NDUFS2: variants seen among roughly 807,000 people sequenced by gnomAD.
NDUFS2 encodes the protein NADH:ubiquinone oxidoreductase core subunit S2, also known as NADH dehydrogenase [ubiquinone] iron-sulfur protein 2, mitochondrial.
NDUFS2 carries 38 observed loss-of-function variants against 69.6 expected under a neutral mutation model. That is an observed-to-expected ratio of 0.55 (90% CI 0.42 to 0.72). The LOEUF (loss-of-function observed/expected upper bound fraction) is 0.72. Ranked by LOEUF, NDUFS2 falls within the 30% of genes least tolerant of loss-of-function variation. The pLI is 0.00. For synonymous variants in NDUFS2, 194 were observed against 211.2 expected (o/e 0.92, Z 0.70); for missense variants, 468 against 595.0 (o/e 0.79, Z 2.22).
intron 2 of NDUFS2, 106 bp downstream of exon 2, chr1:161,203,649 G>A: frequency 1.0e-6 from 1 of 970,840 alleles, no homozygotes; most frequent in Non-Finnish European, 1.6e-6. Context: ...TGGCTGGAGT[G>A]CAGTGGTGCG....
Position 161,202,427 on chromosome 1 carries a change from G to A in NDUFS2, c.42G>A (p.Ala14=). The change falls in exon 1 of 14, where the codon GCG becomes GCA. Residue 14 remains alanine, a synonymous_variant. Transcript: ENST00000676972. ...CTTTGTGCGGCTTCCGGGGCGTCGC[G>A]GCCCAGGTGCTGCGGCCTGGGGCTG... The part of the protein sequence containing the change: ...LRALCGFRGV[A]AQVLRPGAGV... 1 of 1,612,876 alleles carries A rather than the reference G, an allele frequency of 6.2e-7. No individual in the cohort carries two copies. Among genetic ancestry groups the A allele is most frequent in the Non-Finnish European group, 8.5e-7 (1 of 1,179,748 alleles).
Position 161,202,413 on chromosome 1 carries a change from T to G in NDUFS2, c.28T>G (p.Phe10Val). The part of the protein sequence containing the change: MAALRALCG[F>V]RGVAAQVLRP... ...GGCGGCGCTGAGGGCTTTGTGCGGCTTCCGGGGCGTCGCGGCCCAGGTGCT... is the reference window on the plus strand; with the variant it reads ...GGCGGCGCTGAGGGCTTTGTGCGGCGTCCGGGGCGTCGCGGCCCAGGTGCT... Residue 10 changes from phenylalanine to valine, a missense_variant, in exon 1 of 14, where the codon TTC becomes GTC. Transcript: ENST00000676972. The G allele has an allele frequency of 3.1e-6, 5 of 1,612,842 alleles. No homozygotes were observed. Among genetic ancestry groups the G allele is most frequent in the Non-Finnish European group, 4.2e-6 (5 of 1,179,712 alleles).
chr1:161,206,905 G>A (rs547936950), intron 3 of NDUFS2, among the ~76,000 whole-genome samples: 3 of 152,272 alleles, frequency 2.0e-5, no homozygotes, highest in Non-Finnish European at 2.9e-5. Context: ...AGACTAGTGC[G>A]TCAAAGCCAG....
At position 161,202,461 on chromosome 1, in the gene NDUFS2, T is replaced by C. The variant is rs780271885; in HGVS notation, c.76T>C (p.Leu26=). ...GCTGCGGCCTGGGGCTGGAGTCCGA[T>C]TGCCGATTCAGCCCAGCAGGTGAGA... ...QVLRPGAGVR[L]PIQPSRGVRQ... is the part of the protein sequence containing the mutation. Residue 26 remains leucine (L), a synonymous_variant, in exon 1 of 14, where the codon TTG becomes CTG. Coordinates refer to ENST00000676972, the MANE Select transcript of NDUFS2 (RefSeq NM_001377299.1). 6.2e-6 allele frequency: 10 copies of C among 1,611,952 alleles called. No individual in the cohort carries two copies. Among genetic ancestry groups the C allele is most frequent in the Non-Finnish European group, 8.5e-6 (10 of 1,179,400 alleles).
chr1:161,199,029 CT>C (rs1665001208), upstream of NDUFS2: 1 of 174,940 alleles, frequency 5.7e-6, no homozygotes, highest in Non-Finnish European at 1.2e-5. Flanking sequence ...GCATATGTGT[CT>C]GTGGGTCTCC....
chr1:161,198,865 C>G (rs1390945094), upstream of NDUFS2: 2 of 459,596 alleles, frequency 4.4e-6, no homozygotes, highest in Non-Finnish European at 7.7e-6. The surrounding 1 kb of genome is among the most constrained non-coding windows in gnomAD (Gnocchi z 4.7). Flanking sequence ...GCCCTCCTTT[C>G]CTGGATCTTT....
chr1:161,214,269 C>CTG lies in NDUFS2; in HGVS notation c.*106_*107dup, dbSNP rs10629771. On this transcript the variant is annotated 3_prime_UTR_variant, in exon 14 of 14. Coordinates refer to ENST00000676972, the MANE Select transcript of NDUFS2 (RefSeq NM_001377299.1). ...CCTGTTCCTCACTGGAAATTGGCCT[C>CTG]TGTGTGTGTGTGTGTGTGTGTGTGT... The CTG allele has an allele frequency of 0.2, 181,492 of 888,682 alleles. 6,389 individuals carry two copies. The highest frequency in any genetic ancestry group is 0.36 in the East Asian group (13,027 of 36,200). The allele number at this position is 888,682 out of a possible 1,614,324, so 55.0% of individuals were successfully genotyped here.
chr1:161,197,525 A>G (rs1033829284), upstream of NDUFS2: 1 of 162,024 alleles, frequency 6.2e-6, no homozygotes, highest in Non-Finnish European at 1.3e-5. Flanking sequence ...CTCCTGCCCT[A>G]GTTTGCAGTT....
At chr1:161,204,787 C>T (rs958437112) in intron 2 of NDUFS2, among the ~76,000 whole-genome samples, 2 of 152,070 alleles carry the variant, frequency 1.3e-5, no homozygotes, top group Non-Finnish European at 2.9e-5. Flanking sequence ...GATTAAAGCC[C>T]GGATGCGGTG....
rs1159464992 is a variant in NDUFS2, at chr1:161,214,284, T to TGC, written c.*92_*93insCG. ...AAATTGGCCTCTGTGTGTGTGTGTG[T>TGC]GTGTGTGTGTGTGTGTATGTTCATG... On this transcript the variant is annotated 3_prime_UTR_variant, in exon 14 of 14. Transcript: ENST00000676972. 1 of 1,114,852 alleles carries TGC rather than the reference T, an allele frequency of 9.0e-7. No individual in the cohort carries two copies. The highest frequency in any genetic ancestry group is 1.5e-5 in the African/African-American group (1 of 65,022). 69.1% of individuals were successfully genotyped at this position (1,114,852 alleles called of 1,614,324 possible).
upstream of NDUFS2, chr1:161,198,802 T>A: frequency 1.7e-6 from 1 of 601,746 alleles, no homozygotes; most frequent in Non-Finnish European, 2.8e-6. This position sits in a 1 kb window ranked among gnomAD's most constrained non-coding sequence, Gnocchi z 4.7. Flanking sequence ...AACTTAGTCC[T>A]TGGGCTTGGG....
upstream of NDUFS2, chr1:161,197,914 G>A: frequency 1.3e-6 from 2 of 1,504,388 alleles, no homozygotes; most frequent in Non-Finnish European, 1.8e-6. Context: ...AGTGTAAGTG[G>A]GTGGAGAGAG....
intron 10 of NDUFS2, 33 bp from the exon 11 acceptor site, chr1:161,213,347 G>A: frequency 1.4e-6 from 2 of 1,468,080 alleles, no homozygotes; most frequent in Non-Finnish European, 9.5e-7. Context: ...GTTTGGATAT[G>A]GTTTATTGAT....
intron 10 of NDUFS2, chr1:161,213,133 G>C (rs1368268058): frequency 4.8e-6 from 2 of 418,642 alleles, no homozygotes; most frequent in Admixed American, 3.4e-5. Flanking sequence ...TTGAACACCT[G>C]ACCTCTTGAT....
chr1:161,210,093 C>T lies in NDUFS2; in HGVS notation c.703-18C>T. 1.2e-6 allele frequency: 2 copies of T among 1,613,002 alleles called. No homozygotes were observed. The highest frequency in any genetic ancestry group is 1.7e-6 in the Non-Finnish European group (2 of 1,179,004). On this transcript the variant is annotated intron_variant, in intron 6 of 13. Coordinates refer to ENST00000676972, the MANE Select transcript of NDUFS2 (RefSeq NM_001377299.1). ...GAAGGCTATGCCACATTCAGTAGCA[C>T]TTCCGTTTGGCTTCTAGGACCTACC...
At chr1:161,210,879 T>C (rs1194852808) in intron 9 of NDUFS2, among the ~76,000 whole-genome samples, 169 bp downstream of exon 9, 5 of 152,324 alleles carry the variant, frequency 3.3e-5, no homozygotes, top group African/African-American at 1.2e-4. Flanking sequence ...TCTTACTTAT[T>C]TTTTTCTTTT....
intron 10 of NDUFS2, 119 bp from the exon 11 acceptor site, chr1:161,213,261 T>G (rs1214505518): frequency 1.4e-6 from 1 of 715,520 alleles, no homozygotes; most frequent in African/African-American, 1.7e-5. Context: ...CCTCTCTGCT[T>G]ACTGACTGAC....
intron 2 of NDUFS2, among the ~76,000 whole-genome samples, chr1:161,205,883 T>C (rs921813121): frequency 6.6e-6 from 1 of 152,154 alleles, no homozygotes; most frequent in African/African-American, 2.4e-5. Context: ...TGGAGGACAG[T>C]ATATCATAGT....
rs1230070750 is a variant in NDUFS2 at position 161,202,472 on chromosome 1, G to A, written c.87G>A (p.Gln29=). 17 of 1,610,966 alleles carry A rather than the reference G, an allele frequency of 1.1e-5. No individual in the cohort carries two copies. Among genetic ancestry groups the A allele is most frequent in the Non-Finnish European group, 1.4e-5 (17 of 1,179,066 alleles). ...GGGCTGGAGTCCGATTGCCGATTCA[G>A]CCCAGCAGGTGAGATCGAGGGCAGC... is the stretch of plus-strand genomic sequence containing the variant. ...RPGAGVRLPI[Q]PSRGVRQWQP... Residue 29 remains glutamine (Q), a synonymous_variant, in exon 1 of 14, where the codon CAG becomes CAA. Transcript: ENST00000676972.
Sources: allele counts gnomAD v4.1 joint callset (sites outside exome capture counted in the v4.1 genomes callset), GRCh38; gene constraint gnomAD v4.1.1; non-coding constraint Gnocchi (gnomAD v3.1); transcripts MANE v1.5; gene names NCBI Gene and HGNC (gene_info 2026-07-23, HGNC 2026-07-21).